Variants in MYO9B observed in about 807,000 individuals in gnomAD.
The protein encoded by MYO9B is unconventional myosin-IXb.
In MYO9B, 71 loss-of-function variants were observed where a neutral mutation model predicts 229.5. That is an observed-to-expected ratio of 0.31 (90% confidence interval 0.26 to 0.38). The LOEUF (loss-of-function observed/expected upper bound fraction) is 0.38, where lower values mean the gene tolerates loss of function less well. MYO9B is among the 10% of genes least tolerant of loss of function. The probability of loss-of-function intolerance (pLI) is 1.00; values close to 1 mark genes in which losing one functional copy is unlikely to be tolerated. For missense variants in MYO9B, 2,255 were observed against 2,920.5 expected (o/e 0.77, Z 5.25); for synonymous variants, 1,185 against 1,235.8 (o/e 0.96, Z 0.86).
At chr19:17,159,520 C>G in intron 8 of MYO9B, 36 bp downstream of exon 8, 3 of 1,556,962 alleles carry the variant, frequency 1.9e-6, no homozygotes, top group South Asian at 2.3e-5. Context: ...GGTGCCAGAT[C>G]CCAAAAACCA....
intron 2 of MYO9B, among the ~76,000 whole-genome samples, chr19:17,132,178 C>CTTTTTTTTTTTTTTTTTTTT (rs60927116): frequency 1.3e-5 from 1 of 78,424 alleles, no homozygotes. Context: ...TATTTTATTT[C>CTTTTTTTTTTTTTTTTTTTT]TTTTTTTTTT....
At chr19:17,150,387 G>A (rs1170312430) in intron 3 of MYO9B, among the ~76,000 whole-genome samples, 1 of 151,898 alleles carries the variant, frequency 6.6e-6, no homozygotes, top group Admixed American at 6.6e-5. Flanking sequence ...CAGCCTGGGT[G>A]GCAGAGTGAG....
At chr19:17,210,194 G>C in intron 36 of MYO9B, 139 bp from the exon 37 acceptor site, 1 of 790,410 alleles carries the variant, frequency 1.3e-6, no homozygotes, top group Non-Finnish European at 2.0e-6. Flanking sequence ...GTGCAGGGGT[G>C]TGTTAGTGGG....
In MYO9B at chr19:17,142,167, A is replaced by T. The variant is rs1434811696; in HGVS notation, c.841-3230A>T. 1.1e-4 allele frequency among the ~76,000 whole-genome samples: 9 copies of T among 85,390 alleles called. No individual in the cohort carries two copies. The East Asian group carries it at 1.7e-3, about 16-fold the overall frequency. The allele number at this position is 85,390 out of a possible 152,430, so 56.0% of individuals were successfully genotyped here. A position where few individuals can be genotyped will look rare whatever the true frequency, so the allele number is the denominator to read the frequency against. ...GGGCGACAGCAAGACCCTGCCTTTTAAAAAAAAAAAAAGAAAGAAAAAAGA... is the reference window on the plus strand; with the variant it reads ...GGGCGACAGCAAGACCCTGCCTTTTTAAAAAAAAAAAAGAAAGAAAAAAGA... On this transcript the variant is annotated intron_variant, in intron 2 of 39. Transcript: ENST00000682292.
At chr19:17,081,177 G>A (rs956743242) in intron 1 of MYO9B, among the ~76,000 whole-genome samples, 6 of 152,016 alleles carry the variant, frequency 3.9e-5, no homozygotes, top group South Asian at 2.1e-4. Context: ...ACAGGCGTGC[G>A]CCACCACGCC....
intron 16 of MYO9B, 48 bp from the exon 17 acceptor site, chr19:17,184,817 C>T (rs921293505): frequency 6.2e-7 from 1 of 1,609,902 alleles, no homozygotes; most frequent in African/African-American, 1.3e-5. Flanking sequence ...CTCCCCGTGC[C>T]CGTGTGGGCT....
chr19:17,187,143 C>T (rs2072927316), intron 18 of MYO9B, among the ~76,000 whole-genome samples: 1 of 152,238 alleles, frequency 6.6e-6, no homozygotes, highest in African/African-American at 2.4e-5. Context: ...CCAGCCTCTT[C>T]TCTCCCCTGG....
intron 26 of MYO9B, among the ~76,000 whole-genome samples, chr19:17,201,619 T>C (rs1169224223): frequency 3.3e-5 from 5 of 152,070 alleles, no homozygotes; most frequent in South Asian, 4.1e-4. Context: ...TCTGGGGACA[T>C]TGGGGTTATC....
intron 11 of MYO9B, among the ~76,000 whole-genome samples, chr19:17,170,122 C>T (rs1235263599): frequency 6.6e-6 from 1 of 151,752 alleles, no homozygotes; most frequent in African/African-American, 2.4e-5. Flanking sequence ...GTCTTGAACT[C>T]CTGGGCTCAA....
chr19:17,081,058 C>T (rs2057529573), intron 1 of MYO9B, among the ~76,000 whole-genome samples: 1 of 152,110 alleles, frequency 6.6e-6, no homozygotes, highest in Non-Finnish European at 1.5e-5. Flanking sequence ...GGCAGAGTCT[C>T]ACTCTGTCAC....
rs1313299188 is a variant in MYO9B at position 17,194,845 on chromosome 19, A to G, written c.3418A>G (p.Lys1140Glu). 8.7e-6 allele frequency: 14 copies of G among 1,613,312 alleles called. No individual in the cohort carries two copies. The highest frequency in any genetic ancestry group is 1.1e-5 in the Non-Finnish European group (13 of 1,179,880). Residue 1140 changes from lysine (K) to glutamate (E), a missense_variant, in exon 22 of 40, where the codon AAA becomes GAA. Transcript: ENST00000682292. ...QKTVAAESHE[K>E]VPSSREKRES... ...AACCGTGGCGGCTGAAAGTCACGAG[A>G]AAGTCCCCAGCAGCCGGGAGAAGCG...
intron 30 of MYO9B, among the ~76,000 whole-genome samples, chr19:17,204,165 C>T (rs1028852584): frequency 6.6e-6 from 1 of 151,982 alleles, no homozygotes; most frequent in Non-Finnish European, 1.5e-5. Flanking sequence ...GACCCAGGCC[C>T]GTCCCCTCAC....
chr19:17,089,025 C>T lies in MYO9B; in HGVS notation c.-58-12635C>T, dbSNP rs1001723718. Among the ~76,000 whole-genome samples, 10 of 152,292 alleles carry T rather than the reference C, an allele frequency of 6.6e-5. No individual in the cohort carries two copies. In the East Asian group the frequency reaches 1.7e-3, roughly 26 times the overall value. ...CCCAAAAGAGCTTAGTTCCTCCCTC[C>T]TGTCACCTGCAGTGGGCCATCTCTT... is the stretch of plus-strand genomic sequence containing the variant. On this transcript the variant is annotated intron_variant, in intron 1 of 39. Transcript: ENST00000682292.
At chr19:17,157,099 G>A (rs2072545561) in intron 7 of MYO9B, 61 bp downstream of exon 7, 2 of 1,563,846 alleles carry the variant, frequency 1.3e-6, no homozygotes, top group East Asian at 2.3e-5. Context: ...CTATCTCTCA[G>A]TACGAGGGAC....
intron 15 of MYO9B, 34 bp downstream of exon 15, chr19:17,181,074 C>T (rs375520614): frequency 1.4e-5 from 20 of 1,463,874 alleles, no homozygotes; most frequent in African/African-American, 4.2e-5. Flanking sequence ...CTTACAAGTG[C>T]GACAACCGCC....
chr19:17,093,148 A>G (rs982259824), intron 1 of MYO9B, among the ~76,000 whole-genome samples: 6 of 152,136 alleles, frequency 3.9e-5, no homozygotes, highest in African/African-American at 1.2e-4. Context: ...CCTGACCAAC[A>G]TGGTGAAACC....
chr19:17,108,811 G>C (rs963385512), intron 2 of MYO9B, among the ~76,000 whole-genome samples: 3 of 151,840 alleles, frequency 2.0e-5, no homozygotes, highest in Non-Finnish European at 4.4e-5. Flanking sequence ...CTGCCTCCTG[G>C]GTTTGATTCT....
intron 11 of MYO9B, 75 bp downstream of exon 11, chr19:17,168,139 C>T (rs903825871): frequency 1.9e-6 from 3 of 1,557,532 alleles, no homozygotes; most frequent in Non-Finnish European, 2.6e-6. Context: ...CCCCCAGAGC[C>T]TTACCCCAAA....
At position 17,172,316 on chromosome 19, in the gene MYO9B, G is replaced by T. The variant is rs780380551; in HGVS notation, c.1794-20G>T. 8.7e-6 allele frequency: 14 copies of T among 1,613,440 alleles called. No individual in the cohort carries two copies. Among genetic ancestry groups the T allele is most frequent in the African/African-American group, 4.0e-5 (3 of 74,896 alleles). ...TCAGCCGCTGTTCATGCCTGCAAAG[G>T]TTCCATGTTCTGTTCCCAGCTTCCC... On this transcript the variant is annotated intron_variant, in intron 11 of 39. Coordinates refer to ENST00000682292, the MANE Select transcript of MYO9B (RefSeq NM_004145.4). This position sits in a 1 kb window ranked among gnomAD's most constrained non-coding sequence, Gnocchi z 8.2.
Sources: gnomAD v4.1 joint callset for allele counts (sites outside exome capture counted in the v4.1 genomes callset) on GRCh38, gnomAD v4.1.1 for gene constraint, Gnocchi (gnomAD v3.1) non-coding constraint, MANE v1.5 for transcripts, NCBI Gene and HGNC (gene_info 2026-07-23, HGNC 2026-07-21) for gene names.